TTLL5: variants seen among roughly 807,000 people sequenced by gnomAD.
TTLL5 encodes the protein tubulin tyrosine ligase like 5.
Under a neutral mutation model 168.4 loss-of-function variants are expected in TTLL5, and 132 were observed. The ratio of observed to expected loss-of-function variants is 0.78; its 90% CI spans 0.68 to 0.91. The LOEUF (loss-of-function observed/expected upper bound fraction) is 0.91, where lower values mean the gene tolerates loss of function less well. TTLL5 is among the 40% of genes least tolerant of loss of function. TTLL5 has a pLI of 0.00. For synonymous variants in TTLL5, 546 were observed against 558.6 expected, an observed-to-expected ratio of 0.98 and a Z score of 0.32; for missense variants, 1,545 against 1,581.5, an observed-to-expected ratio of 0.98 and a Z score of 0.39.
At chr14:75,919,291 G>C (rs764956054) in intron 31 of TTLL5, among the ~76,000 whole-genome samples, 3 of 151,112 alleles carry the variant, frequency 2.0e-5, no homozygotes, top group Non-Finnish European at 2.9e-5. Flanking sequence ...AAAAGAATAG[G>C]ACAGGGAGGG....
chr14:75,773,957 A>AGAGAAAGAGAGAAAGAGAGAGAG (rs1891536422), intron 21 of TTLL5, among the ~76,000 whole-genome samples: 1 of 43,384 alleles, frequency 2.3e-5, no homozygotes, highest in African/African-American at 8.1e-5. Context: ...GAGAGAGAGA[A>AGAGAAAGAGAGAAAGAGAGAGAG]AGAGAGAGAG....
At chr14:75,853,939 G>C (rs905632892) in intron 28 of TTLL5, among the ~76,000 whole-genome samples, 1 of 152,082 alleles carries the variant, frequency 6.6e-6, no homozygotes, top group African/African-American at 2.4e-5. Flanking sequence ...ATCTGCTCAA[G>C]AGGCTGAGGC....
At chr14:75,673,530 T>TA in intron 3 of TTLL5, among the ~76,000 whole-genome samples, 1 of 152,212 alleles carries the variant, frequency 6.6e-6, no homozygotes, top group Non-Finnish European at 1.5e-5. Flanking sequence ...GCAAGTGACT[T>TA]AGACTCTTTT....
At chr14:75,691,198 C>T (rs1018320914) in intron 6 of TTLL5, among the ~76,000 whole-genome samples, 1 of 152,114 alleles carries the variant, frequency 6.6e-6, no homozygotes, top group South Asian at 2.1e-4. Flanking sequence ...TAAAGTGACA[C>T]AGAAACACAT....
chr14:75,718,036 C>T (rs1887586180), intron 10 of TTLL5, 74 bp downstream of exon 10: 2 of 1,340,944 alleles, frequency 1.5e-6, no homozygotes, highest in Non-Finnish European at 2.1e-6. Context: ...GGAAAGGTAA[C>T]ATGTGGCACT....
chr14:75,663,752 TA>T (rs1312431775), intron 2 of TTLL5, among the ~76,000 whole-genome samples: 17 of 152,256 alleles, frequency 1.1e-4, no homozygotes, highest in Middle Eastern at 3.4e-3. Context: ...TTCTTTTAGT[TA>T]AGAGTCCAAT....
intron 31 of TTLL5, among the ~76,000 whole-genome samples, chr14:75,924,907 G>A (rs1441241459): frequency 8.0e-5 from 12 of 150,062 alleles, no homozygotes; most frequent in South Asian, 4.2e-4. Flanking sequence ...CTGGTCGGGC[G>A]GGGGGCTGAC....
At chr14:75,720,501 A>G (rs1887772425) in intron 11 of TTLL5, 95 bp from the exon 12 acceptor site, 1 of 938,464 alleles carries the variant, frequency 1.1e-6, no homozygotes, top group Admixed American at 2.0e-5. Flanking sequence ...TTGAATGAGC[A>G]CACATGCTTT....
chr14:75,943,537 T>C (rs1011646684), intron 31 of TTLL5, among the ~76,000 whole-genome samples: 2 of 152,188 alleles, frequency 1.3e-5, no homozygotes. Flanking sequence ...GGAGGTAGCC[T>C]GAAAAACTTC....
chr14:75,764,875 C>A, intron 19 of TTLL5, 103 bp downstream of exon 19: 1 of 1,306,974 alleles, frequency 7.7e-7, no homozygotes, highest in Non-Finnish European at 1.1e-6. Flanking sequence ...TCTTCCTGAT[C>A]ACATACACCT....
At chr14:75,951,981 A>G (rs2034975724) in intron 31 of TTLL5, among the ~76,000 whole-genome samples, 1 of 152,240 alleles carries the variant, frequency 6.6e-6, no homozygotes, top group Non-Finnish European at 1.5e-5. Context: ...AAAGGACACT[A>G]TCAAGGAAGT....
intron 28 of TTLL5, among the ~76,000 whole-genome samples, chr14:75,851,786 C>T (rs1896870004): frequency 6.6e-6 from 1 of 152,082 alleles, no homozygotes; most frequent in South Asian, 2.1e-4. Context: ...CATTTATCAC[C>T]CAGGTGATCT....
At chr14:75,859,895 C>G (rs901733548) in intron 28 of TTLL5, among the ~76,000 whole-genome samples, 3 of 152,170 alleles carry the variant, frequency 2.0e-5, no homozygotes, top group African/African-American at 7.2e-5. Context: ...TGTGAGAAAC[C>G]ATGGGCTGAG....
At chr14:75,700,822 C>T (rs1886215002) in intron 7 of TTLL5, among the ~76,000 whole-genome samples, 1 of 152,108 alleles carries the variant, frequency 6.6e-6, no homozygotes, top group Admixed American at 6.6e-5. Context: ...TGCAGACCCA[C>T]CCATATGGAT....
chr14:75,781,352 A>G (rs951476643), intron 24 of TTLL5, among the ~76,000 whole-genome samples: 1 of 152,182 alleles, frequency 6.6e-6, no homozygotes, highest in East Asian at 1.9e-4. Context: ...ATTTGATAGT[A>G]TAGTATCTGG....
intron 31 of TTLL5, among the ~76,000 whole-genome samples, chr14:75,921,426 T>A (rs1031233038): frequency 4.6e-5 from 7 of 152,222 alleles, no homozygotes; most frequent in African/African-American, 1.7e-4. Flanking sequence ...GGGATCCAAT[T>A]TCAGCTTTCT....
At chr14:75,777,095 A>G (rs1162191884) in intron 23 of TTLL5, among the ~76,000 whole-genome samples, 3 of 152,216 alleles carry the variant, frequency 2.0e-5, no homozygotes, top group East Asian at 3.9e-4. Flanking sequence ...TGATGAAAAA[A>G]GAAATCATTC....
At chr14:75,949,479 A>G (rs1474556823) in intron 31 of TTLL5, among the ~76,000 whole-genome samples, 1 of 147,930 alleles carries the variant, frequency 6.8e-6, no homozygotes, top group East Asian at 1.9e-4. Context: ...CCTTATATAA[A>G]GAATATATAT....
intron 31 of TTLL5, among the ~76,000 whole-genome samples, chr14:75,919,719 C>T (rs1003314657): frequency 6.6e-6 from 1 of 152,248 alleles, no homozygotes; most frequent in African/African-American, 2.4e-5. Context: ...TGGATTAGGC[C>T]ACAGTTTCTT....
Sources: gnomAD v4.1 joint callset for allele counts (sites outside exome capture counted in the v4.1 genomes callset) on GRCh38, gnomAD v4.1.1 for gene constraint, MANE v1.5 for transcripts, NCBI Gene and HGNC (gene_info 2026-07-23, HGNC 2026-07-21) for gene names.